The following ABCB10 variants were observed in gnomAD, a reference collection of about 807,000 sequenced individuals.
ABCB10 encodes the protein ATP-binding cassette sub-family B member 10, mitochondrial.
ABCB10 carries 54 observed loss-of-function variants against 65.4 expected under a neutral mutation model. The observed-to-expected ratio is 0.83, with a 90% CI of 0.66 to 1.04. ABCB10 has a LOEUF of 1.04. Ranked by LOEUF, ABCB10 falls within the 50% of genes least tolerant of loss-of-function variation. ABCB10 has a pLI of 0.00. For synonymous variants in ABCB10, 418 were observed against 406.5 expected (o/e 1.03, Z -0.34); for missense variants, 846 against 976.6 (o/e 0.87, Z 1.78).
chr1:229,555,021 AGAG>A lies in ABCB10; in HGVS notation c.517+3112_517+3114del, dbSNP rs146861766. On this transcript the variant is annotated intron_variant, in intron 1 of 12. Transcript: ENST00000344517. ...CAGCCCCTTATCAGTAACTGCAGTG[AGAG>A]GAGCCCTCCTGAGTCCTCCACACAG... Among the ~76,000 whole-genome samples the A allele has an allele frequency of 1.5e-3, 232 of 152,320 alleles. 3 individuals are homozygous for A. Among genetic ancestry groups the A allele is most frequent in the African/African-American group, 5.3e-3 (219 of 41,566 alleles).
chr1:229,531,901 T>C, intron 6 of ABCB10, 170 bp from the exon 7 acceptor site: 1 of 459,960 alleles, frequency 2.2e-6, no homozygotes, highest in South Asian at 4.3e-5. Context: ...GAATTGCTTG[T>C]CTCATACTCT....
At chr1:229,542,398 G>A in intron 3 of ABCB10, 27 bp from the exon 4 acceptor site, 1 of 1,606,352 alleles carries the variant, frequency 6.2e-7, no homozygotes, top group South Asian at 1.1e-5. Flanking sequence ...AAAATTCAGA[G>A]GTGTTTGTTA....
intron 1 of ABCB10, among the ~76,000 whole-genome samples, chr1:229,554,272 G>C (rs976957990): frequency 6.6e-6 from 1 of 152,194 alleles, no homozygotes; most frequent in African/African-American, 2.4e-5. Flanking sequence ...TGAGAAGGGA[G>C]TAGAGGAAGA....
In ABCB10 at chr1:229,517,917, A is replaced by T. The variant is rs1289316522; in HGVS notation, c.*262T>A. On this transcript the variant is annotated 3_prime_UTR_variant, in exon 13 of 13. Coordinates refer to ENST00000344517, the MANE Select transcript of ABCB10 (RefSeq NM_012089.3). Reference sequence around the variant, plus strand: ...GAGGTGCCATGCTATATTAATTAAAATATTCCACAAGAAAAGAAAATACAA... The same window carrying T: ...GAGGTGCCATGCTATATTAATTAAATTATTCCACAAGAAAAGAAAATACAA... The T allele has an allele frequency of 2.7e-6, 1 of 364,914 alleles. No individual in the cohort carries two copies. The highest frequency in any genetic ancestry group is 2.1e-5 in the African/African-American group (1 of 47,380). 22.6% of individuals were successfully genotyped at this position (364,914 alleles called of 1,614,324 possible).
At chr1:229,529,630 AC>A (rs1177658840) in intron 8 of ABCB10, among the ~76,000 whole-genome samples, 1 of 143,550 alleles carries the variant, frequency 7.0e-6, no homozygotes, top group African/African-American at 2.6e-5. Context: ...AGATCGCGCC[AC>A]TGCACTCCAG....
At chr1:229,543,023 C>T (rs1345273844) in intron 3 of ABCB10, among the ~76,000 whole-genome samples, 2 of 149,614 alleles carry the variant, frequency 1.3e-5, no homozygotes, top group Non-Finnish European at 1.5e-5. Flanking sequence ...CCCAGCTACT[C>T]GGGAGGCTGA....
At chr1:229,527,590 T>G (rs1470827944) in intron 8 of ABCB10, among the ~76,000 whole-genome samples, 3 of 152,050 alleles carry the variant, frequency 2.0e-5, no homozygotes, top group Admixed American at 6.6e-5. Context: ...TTGTAGGGAG[T>G]TTTCCCAAAA....
intron 6 of ABCB10, chr1:229,535,116 GAA>G (rs35814119): frequency 7.2e-6 from 1 of 138,694 alleles, no homozygotes; most frequent in Non-Finnish European, 1.5e-5. Flanking sequence ...AGGGTATCGA[GAA>G]AAGTTTTCAA....
chr1:229,555,142 A>G (rs1012922158), intron 1 of ABCB10, among the ~76,000 whole-genome samples: 5 of 152,100 alleles, frequency 3.3e-5, no homozygotes, highest in African/African-American at 1.2e-4. Flanking sequence ...AGCCCCCCAC[A>G]CAAAAAACCT....
rs539302757 is a variant in ABCB10, at chr1:229,543,986, G to A, written c.922-1615C>T. Reference sequence around the variant, plus strand: ...CAACTGGACAGGTGTCCTCTGTGTAGGGCAGGCACAGTCCATCAAGATTCT... The same window carrying A: ...CAACTGGACAGGTGTCCTCTGTGTAAGGCAGGCACAGTCCATCAAGATTCT... On this transcript the variant is annotated intron_variant, in intron 3 of 12. Transcript: ENST00000344517. Among the ~76,000 whole-genome samples, 287 of 152,326 alleles carry A rather than the reference G, an allele frequency of 1.9e-3. 2 individuals carry two copies. Among genetic ancestry groups the A allele is most frequent in the African/African-American group, 6.4e-3 (268 of 41,562 alleles).
chr1:229,549,462 C>T (rs1054800225), intron 1 of ABCB10, 28 bp from the exon 2 acceptor site: 8 of 1,596,334 alleles, frequency 5.0e-6, no homozygotes, highest in Non-Finnish European at 6.8e-6. Flanking sequence ...TCTCAATGTT[C>T]AGGTTGCTTC....
intron 3 of ABCB10, among the ~76,000 whole-genome samples, chr1:229,546,109 T>C (rs1373136967): frequency 2.0e-5 from 3 of 150,926 alleles, no homozygotes; most frequent in Non-Finnish European, 4.4e-5. Flanking sequence ...GAGGAGGAGG[T>C]TGCAGTGAGC....
chr1:229,540,840 T>C, intron 4 of ABCB10, 88 bp from the exon 5 acceptor site: 1 of 1,419,480 alleles, frequency 7.0e-7, no homozygotes, highest in Non-Finnish European at 9.4e-7. Flanking sequence ...GTTCTCATTT[T>C]GTTATTCATT....
Position 229,517,136 on chromosome 1 carries a change from T to C in ABCB10, c.*1043A>G, listed in dbSNP as rs1662194712. 6.6e-6 allele frequency: 1 copy of C among 152,128 alleles called. No homozygotes were observed. The highest frequency in any genetic ancestry group is 1.5e-5 in the Non-Finnish European group (1 of 68,022). 9.4% of individuals were successfully genotyped at this position (152,128 alleles called of 1,614,324 possible). On this transcript the variant is annotated 3_prime_UTR_variant, in exon 13 of 13. Transcript: ENST00000344517. ...GGAATTTTGAGACTATAAATAAAACTATAACCATAAATAAAAGGGCTTATT... is the reference window on the plus strand; with the variant it reads ...GGAATTTTGAGACTATAAATAAAACCATAACCATAAATAAAAGGGCTTATT...
Position 229,558,164 on chromosome 1 carries a change from C to A in ABCB10, c.489G>T (p.Leu163=). The A allele has an allele frequency of 7.0e-7, 1 of 1,435,350 alleles. No homozygotes were observed. Among genetic ancestry groups the A allele is most frequent in the Non-Finnish European group, 9.1e-7 (1 of 1,097,662 alleles). 88.9% of individuals were successfully genotyped at this position (1,435,350 alleles called of 1,614,324 possible). A position where few individuals can be genotyped will look rare whatever the true frequency, so the allele number is the denominator to read the frequency against. The change falls in exon 1 of 13, where the codon CTG becomes CTT. Residue 163 remains leucine, a synonymous_variant. Coordinates refer to ENST00000344517, the MANE Select transcript of ABCB10 (RefSeq NM_012089.3). ...CCAGCCTCCGGCGCTCAGGGTACGC[C>A]AGCCCCAGGAGCTTCCGGGCCTCCG... The part of the protein sequence containing the change: ...GLPEARKLLG[L]AYPERRRLAA...
chr1:229,544,410 T>C (rs1558126961), intron 3 of ABCB10, among the ~76,000 whole-genome samples: 2 of 97,956 alleles, frequency 2.0e-5, no homozygotes, highest in Admixed American at 1.3e-4. Context: ...GGGTGAGACC[T>C]TCTCTCAAAA....
chr1:229,543,710 G>A (rs1309337261), intron 3 of ABCB10, among the ~76,000 whole-genome samples: 1 of 152,158 alleles, frequency 6.6e-6, no homozygotes, highest in African/African-American at 2.4e-5. Context: ...CACAATCTTG[G>A]AAGACCTCTC....
intron 4 of ABCB10, 78 bp downstream of exon 4, chr1:229,542,159 C>T: frequency 6.6e-7 from 1 of 1,513,338 alleles, no homozygotes; most frequent in Admixed American, 2.2e-5. Context: ...CTAAGTACAT[C>T]CCTTAGGATC....
chr1:229,520,460 ACT>A (rs1486664281), intron 11 of ABCB10, among the ~76,000 whole-genome samples: 2 of 151,232 alleles, frequency 1.3e-5, no homozygotes, highest in African/African-American at 2.4e-5. Flanking sequence ...ATACAGCGAG[ACT>A]CTGTCTCAAA....
Sources: allele counts gnomAD v4.1 joint callset (sites outside exome capture counted in the v4.1 genomes callset), GRCh38; gene constraint gnomAD v4.1.1; transcripts MANE v1.5; gene names NCBI Gene and HGNC (gene_info 2026-07-23, HGNC 2026-07-21).